The following EXOC6B variants were observed in gnomAD, a reference collection of about 807,000 sequenced individuals.
EXOC6B encodes the protein exocyst complex component 6B.
EXOC6B carries 54 observed loss-of-function variants against 113.5 expected under a neutral mutation model. That is an observed-to-expected ratio of 0.48 (90% CI 0.38 to 0.60). The LOEUF (loss-of-function observed/expected upper bound fraction) is 0.60. Among genes scored for constraint, EXOC6B ranks in the 20% least tolerant of loss-of-function variants. The pLI, the probability that EXOC6B is intolerant of heterozygous loss-of-function variation, is 0.00. For missense variants in EXOC6B, 797 were observed against 977.5 expected (o/e 0.82, Z 2.46); for synonymous variants, 357 against 339.0 (o/e 1.05, Z -0.58).
chr2:72,264,163 C>T (rs921926990), intron 20 of EXOC6B, among the ~76,000 whole-genome samples: 2 of 152,180 alleles, frequency 1.3e-5, no homozygotes, highest in African/African-American at 4.8e-5. Flanking sequence ...GAGCTGAAGA[C>T]TGTCATTCCA....
intron 7 of EXOC6B, among the ~76,000 whole-genome samples, chr2:72,559,896 AGT>A (rs1411999207): frequency 1.3e-5 from 2 of 152,236 alleles, no homozygotes; most frequent in Admixed American, 6.5e-5. Flanking sequence ...AAGACATGAT[AGT>A]GTACATAAAA....
chr2:72,783,479 A>G (rs1036269108), intron 1 of EXOC6B, among the ~76,000 whole-genome samples: 2 of 151,620 alleles, frequency 1.3e-5, no homozygotes, highest in African/African-American at 4.8e-5. Flanking sequence ...CTGGGCCACC[A>G]TGCCCAGCTA....
intron 20 of EXOC6B, among the ~76,000 whole-genome samples, chr2:72,293,129 A>G (rs750426807): frequency 6.6e-6 from 1 of 152,154 alleles, no homozygotes. Context: ...CCAGAGTGAT[A>G]GTATCATTTT....
intron 1 of EXOC6B, among the ~76,000 whole-genome samples, chr2:72,748,495 G>A (rs1196474409): frequency 6.6e-6 from 1 of 151,988 alleles, no homozygotes; most frequent in Non-Finnish European, 1.5e-5. Flanking sequence ...GGTGCATAAC[G>A]ATGAAGGAGA....
intron 20 of EXOC6B, among the ~76,000 whole-genome samples, chr2:72,209,243 A>AAAAAAAAAAG (rs1680029575): frequency 1.8e-5 from 2 of 110,672 alleles, no homozygotes; most frequent in Non-Finnish European, 3.9e-5. Flanking sequence ...AAAAAAAAAA[A>AAAAAAAAAAG]AAAAGAAAAG....
At chr2:72,309,969 C>T (rs992907365) in intron 20 of EXOC6B, among the ~76,000 whole-genome samples, 7 of 152,114 alleles carry the variant, frequency 4.6e-5, no homozygotes, top group Admixed American at 6.5e-5. Flanking sequence ...ATCAGTATTT[C>T]ATTTCTTTTG....
chr2:72,385,417 A>C (rs570343931), intron 18 of EXOC6B, among the ~76,000 whole-genome samples: 4 of 151,998 alleles, frequency 2.6e-5, no homozygotes, highest in Middle Eastern at 3.2e-3. Flanking sequence ...GAAAAAAAAA[A>C]CAGATGAAAA....
intron 20 of EXOC6B, among the ~76,000 whole-genome samples, chr2:72,265,588 A>C (rs1352980600): frequency 4.6e-5 from 7 of 151,784 alleles, no homozygotes; most frequent in Non-Finnish European, 7.4e-5. Flanking sequence ...TGAACTCATC[A>C]TTTTTTATGG....
At chr2:72,305,362 A>ATATGTG (rs1686783982) in intron 20 of EXOC6B, among the ~76,000 whole-genome samples, 2 of 149,102 alleles carry the variant, frequency 1.3e-5, no homozygotes, top group South Asian at 2.1e-4. Context: ...ATGTATATGT[A>ATATGTG]TATGTATATG....
intron 1 of EXOC6B, among the ~76,000 whole-genome samples, chr2:72,747,027 A>G (rs901044854): frequency 2.0e-5 from 3 of 152,088 alleles, no homozygotes; most frequent in African/African-American, 7.2e-5. Flanking sequence ...AGCTAATGCA[A>G]TATGAAGCCC....
chr2:72,799,310 C>T (rs963906473), intron 1 of EXOC6B, among the ~76,000 whole-genome samples: 1 of 151,026 alleles, frequency 6.6e-6, no homozygotes. Context: ...GGGCTCAGGC[C>T]TATAATCCTA....
chr2:72,222,927 A>G (rs1407768116), intron 20 of EXOC6B, among the ~76,000 whole-genome samples: 1 of 152,192 alleles, frequency 6.6e-6, no homozygotes, highest in Non-Finnish European at 1.5e-5. Context: ...ACTTTTATGT[A>G]AGGGTTTGCA....
chr2:72,678,779 A>G (rs1412879933), intron 6 of EXOC6B, among the ~76,000 whole-genome samples: 1 of 152,212 alleles, frequency 6.6e-6, no homozygotes, highest in Non-Finnish European at 1.5e-5. Context: ...TTAAATTAGA[A>G]CATAGATACA....
At chr2:72,525,895 G>A (rs1377964644) in intron 8 of EXOC6B, among the ~76,000 whole-genome samples, 1 of 152,082 alleles carries the variant, frequency 6.6e-6, no homozygotes, top group Non-Finnish European at 1.5e-5. Context: ...CTGAGTGTCT[G>A]CATATGATGA....
intron 11 of EXOC6B, among the ~76,000 whole-genome samples, chr2:72,503,344 T>C (rs1700429815): frequency 6.6e-6 from 1 of 152,216 alleles, no homozygotes; most frequent in African/African-American, 2.4e-5. Context: ...GCTCTGCCTA[T>C]TCATCCCATA....
At chr2:72,548,658 A>G (rs908249966) in intron 8 of EXOC6B, among the ~76,000 whole-genome samples, 1 of 152,206 alleles carries the variant, frequency 6.6e-6, no homozygotes, top group Non-Finnish European at 1.5e-5. Context: ...GTTCAAAATC[A>G]AAAACAAACA....
rs368718063 is a variant in EXOC6B at position 72,390,127 on chromosome 2, C to T, written c.1981-10257G>A. 1.8e-4 allele frequency among the ~76,000 whole-genome samples: 28 copies of T among 152,254 alleles called. 1 individual carries two copies. Among genetic ancestry groups the T allele is most frequent in the African/African-American group, 4.8e-4 (20 of 41,558 alleles). ...CTTCCTCCATTAATTCTCCTCTATA[C>T]GTCAGTTTGCATGATTTCCATGGCT... On this transcript the variant is annotated intron_variant, in intron 18 of 21. Transcript: ENST00000272427.
intron 17 of EXOC6B, among the ~76,000 whole-genome samples, chr2:72,474,362 CT>C (rs1355458685): frequency 7.2e-5 from 11 of 152,056 alleles, no homozygotes; most frequent in African/African-American, 2.7e-4. Flanking sequence ...AGTTTTCCAA[CT>C]CTTTTTTATT....
At chr2:72,435,001 G>T (rs979026535) in intron 18 of EXOC6B, among the ~76,000 whole-genome samples, 2 of 152,084 alleles carry the variant, frequency 1.3e-5, no homozygotes, top group African/African-American at 4.8e-5. Context: ...TGATGTTAGG[G>T]TGTCCATTTT....
Sources: gnomAD v4.1 joint callset for allele counts (sites outside exome capture counted in the v4.1 genomes callset) on GRCh38, gnomAD v4.1.1 for gene constraint, MANE v1.5 for transcripts, NCBI Gene and HGNC (gene_info 2026-07-23, HGNC 2026-07-21) for gene names.